Variants in TMPRSS11E observed in about 807,000 individuals in gnomAD.
The protein encoded by TMPRSS11E is transmembrane serine protease 11E.
TMPRSS11E carries 38 observed loss-of-function variants against 48.1 expected under a neutral mutation model. The ratio of observed to expected loss-of-function variants is 0.79; its 90% CI spans 0.61 to 1.04. The LOEUF is 1.04. Ranked by LOEUF, TMPRSS11E falls within the 50% of genes least tolerant of loss-of-function variation. TMPRSS11E has a pLI of 0.00. For synonymous variants in TMPRSS11E, 158 were observed against 171.9 expected (o/e 0.92, Z 0.63); for missense variants, 530 against 510.8 (o/e 1.04, Z -0.36).
intron 1 of TMPRSS11E, among the ~76,000 whole-genome samples, chr4:68,455,588 T>C (rs918588380): frequency 1.1e-4 from 16 of 151,958 alleles, no homozygotes; most frequent in Admixed American, 4.6e-4. Context: ...GGAAGACAGC[T>C]AAAATTTTAA....
In TMPRSS11E at chr4:68,466,873, G is replaced by A; in HGVS notation, c.258+121G>A. 6 of 1,296,306 alleles carry A rather than the reference G, an allele frequency of 4.6e-6. No individual in the cohort carries two copies. In the South Asian group the frequency reaches 7.5e-5, roughly 16 times the overall value. The allele number at this position is 1,296,306 out of a possible 1,614,324, so 80.3% of individuals were successfully genotyped here. A position where few individuals can be genotyped will look rare whatever the true frequency, so the allele number is the denominator to read the frequency against. ...TCCCTGTGTATTTGCAAAATGAAAA[G>A]AGGCCCTAACCCAAGGAATATAAAA... On this transcript the variant is annotated intron_variant, in intron 3 of 9. Coordinates refer to ENST00000305363, the MANE Select transcript of TMPRSS11E (RefSeq NM_014058.4).
At chr4:68,490,459 T>C (rs1392400564) in intron 9 of TMPRSS11E, among the ~76,000 whole-genome samples, 1 of 152,186 alleles carries the variant, frequency 6.6e-6, no homozygotes, top group East Asian at 1.9e-4. Context: ...GGGGGATGTA[T>C]GAAGGAATTG....
At position 68,497,022 on chromosome 4, in the gene TMPRSS11E, T is replaced by G. The variant is rs1729891403; in HGVS notation, c.*218T>G. On this transcript the variant is annotated 3_prime_UTR_variant, in exon 10 of 10. Transcript: ENST00000305363. ...AACTCTGTCATCTGTGAGCAATAGT[T>G]GAAACTTTATGTACATAGAGAAATA... 1 of 486,698 alleles carries G rather than the reference T, an allele frequency of 2.1e-6. No homozygotes were observed. Among genetic ancestry groups the G allele is most frequent in the Admixed American group, 3.8e-5 (1 of 26,476 alleles). The allele number at this position is 486,698 out of a possible 1,614,324, so 30.1% of individuals were successfully genotyped here.
intron 1 of TMPRSS11E, among the ~76,000 whole-genome samples, chr4:68,457,353 T>C (rs965810223): frequency 1.3e-5 from 2 of 152,094 alleles, no homozygotes; most frequent in Admixed American, 1.3e-4. Context: ...ATGAGTACCA[T>C]CTCATGCCAG....
intron 9 of TMPRSS11E, among the ~76,000 whole-genome samples, chr4:68,493,053 A>G (rs1209639670): frequency 6.6e-6 from 1 of 152,078 alleles, no homozygotes; most frequent in African/African-American, 2.4e-5. Context: ...CTCTATAGTA[A>G]TGTCCTTCCT....
intron 9 of TMPRSS11E, among the ~76,000 whole-genome samples, chr4:68,484,069 G>A (rs1729485446): frequency 6.6e-6 from 1 of 152,164 alleles, no homozygotes; most frequent in Admixed American, 6.5e-5. Context: ...GTCTGGTAGT[G>A]TGATGCCACC....
intron 8 of TMPRSS11E, 87 bp from the exon 9 acceptor site, chr4:68,478,762 C>G (rs192950655): frequency 8.1e-5 from 119 of 1,462,958 alleles, no homozygotes; most frequent in Non-Finnish European, 8.9e-5. Flanking sequence ...GCCTGTATCA[C>G]CATCTTATTC....
intron 1 of TMPRSS11E, among the ~76,000 whole-genome samples, chr4:68,458,187 A>G (rs1461217463): frequency 6.6e-6 from 1 of 152,126 alleles, no homozygotes; most frequent in African/African-American, 2.4e-5. Flanking sequence ...GTCATTTTCC[A>G]GTGCTTGCCA....
chr4:68,458,412 C>T (rs1728693557), intron 1 of TMPRSS11E, among the ~76,000 whole-genome samples: 1 of 152,026 alleles, frequency 6.6e-6, no homozygotes, highest in African/African-American at 2.4e-5. Context: ...TACATGTCTC[C>T]AGATTGAAAA....
intron 2 of TMPRSS11E, 62 bp downstream of exon 2, chr4:68,462,007 T>A (rs1728804532): frequency 6.2e-7 from 1 of 1,601,736 alleles, no homozygotes; most frequent in Admixed American, 1.7e-5. Context: ...TACCTTGCTG[T>A]TTTGATTTGC....
At chr4:68,483,910 T>A (rs1042846945) in intron 9 of TMPRSS11E, among the ~76,000 whole-genome samples, 1 of 152,222 alleles carries the variant, frequency 6.6e-6, no homozygotes, top group Non-Finnish European at 1.5e-5. Flanking sequence ...CCATTTCTTG[T>A]TATGGTCAGC....
Position 68,496,766 on chromosome 4 carries a change from G to A in TMPRSS11E, c.1234G>A (p.Ala412Thr), listed in dbSNP as rs1210217857. Reference protein sequence around the residue: ...NKPGVYTRVTALRDWITSKTG... With the variant: ...NKPGVYTRVTTLRDWITSKTG... ...GCCTGGTGTTTATACTAGAGTTACGGCCTTGCGGGACTGGATTACTTCAAA... is the reference window on the plus strand; with the variant it reads ...GCCTGGTGTTTATACTAGAGTTACGACCTTGCGGGACTGGATTACTTCAAA... The change falls in exon 10 of 10, where the codon GCC becomes ACC. Residue 412 changes from alanine (A) to threonine (T), a missense_variant. Physicochemically the swap from Ala to Thr is moderately conservative, Grantham distance 58. Coordinates refer to ENST00000305363, the MANE Select transcript of TMPRSS11E (RefSeq NM_014058.4). 1.9e-6 allele frequency: 3 copies of A among 1,613,338 alleles called. No homozygotes were observed. The African/African-American group carries it at 4.0e-5, about 22-fold the overall frequency.
At chr4:68,459,600 T>A (rs981073344) in intron 1 of TMPRSS11E, among the ~76,000 whole-genome samples, 13 of 152,200 alleles carry the variant, frequency 8.5e-5, no homozygotes, top group African/African-American at 2.9e-4. Context: ...TTAACCTTTT[T>A]AATGTTAATA....
At chr4:68,481,419 G>A (rs1262976768) in intron 9 of TMPRSS11E, among the ~76,000 whole-genome samples, 1 of 152,120 alleles carries the variant, frequency 6.6e-6, no homozygotes, top group Non-Finnish European at 1.5e-5. Flanking sequence ...ACATTCCCAC[G>A]AGCAGTGTAT....
intron 8 of TMPRSS11E, 58 bp from the exon 9 acceptor site, chr4:68,478,788 TTTC>T (rs1489304807): frequency 1.3e-6 from 2 of 1,575,108 alleles, no homozygotes; most frequent in Non-Finnish European, 1.7e-6. Flanking sequence ...CATGAAACAT[TTTC>T]TTCAAGTTTA....
intron 7 of TMPRSS11E, among the ~76,000 whole-genome samples, chr4:68,477,064 T>G (rs1317195465): frequency 6.6e-6 from 1 of 152,088 alleles, no homozygotes; most frequent in African/African-American, 2.4e-5. Flanking sequence ...ATATATTAAT[T>G]TCTCTTATTC....
At chr4:68,460,130 C>CAG (rs1161098728) in intron 1 of TMPRSS11E, among the ~76,000 whole-genome samples, 2 of 152,180 alleles carry the variant, frequency 1.3e-5, no homozygotes, top group East Asian at 1.9e-4. Context: ...GGAGAACAAG[C>CAG]AGAGCCCCTG....
At chr4:68,458,153 C>A (rs1050240412) in intron 1 of TMPRSS11E, among the ~76,000 whole-genome samples, 3 of 152,094 alleles carry the variant, frequency 2.0e-5, no homozygotes, top group African/African-American at 7.2e-5. Context: ...GTAAATTTTT[C>A]TTTGAAACAC....
At chr4:68,470,591 T>C (rs1177457816) in intron 4 of TMPRSS11E, among the ~76,000 whole-genome samples, 1 of 151,868 alleles carries the variant, frequency 6.6e-6, no homozygotes, top group Non-Finnish European at 1.5e-5. Flanking sequence ...AGAAGACAGA[T>C]ATTCAAACTT....
Sources: allele counts gnomAD v4.1 joint callset (sites outside exome capture counted in the v4.1 genomes callset), GRCh38; gene constraint gnomAD v4.1.1; transcripts MANE v1.5; gene names NCBI Gene and HGNC (gene_info 2026-07-23, HGNC 2026-07-21).